TENM4: variants seen among roughly 807,000 people sequenced by gnomAD.
TENM4 encodes teneurin-4.
In TENM4, 82 loss-of-function variants were observed where a neutral mutation model predicts 243.3. The observed-to-expected ratio is 0.34, with a 90% confidence interval of 0.28 to 0.40. The LOEUF (loss-of-function observed/expected upper bound fraction) is 0.40, where lower values mean the gene tolerates loss of function less well. Ranked by LOEUF, TENM4 falls within the 10% of genes least tolerant of loss-of-function variation. TENM4 has a pLI of 1.00. For synonymous variants in TENM4, 1,412 were observed against 1,456.3 expected, an observed-to-expected ratio of 0.97 and a Z score of 0.69; for missense variants, 3,138 against 3,673.3, an observed-to-expected ratio of 0.85 and a Z score of 3.77.
At chr11:79,123,919 T>A (rs939286467) in intron 4 of TENM4, among the ~76,000 whole-genome samples, 8 of 152,198 alleles carry the variant, frequency 5.3e-5, no homozygotes, top group Non-Finnish European at 1.2e-4. Context: ...GAGGAGTCAG[T>A]GTACAGGGCT....
At chr11:78,977,602 T>C (rs943462070) in intron 6 of TENM4, among the ~76,000 whole-genome samples, 2 of 152,182 alleles carry the variant, frequency 1.3e-5, no homozygotes, top group East Asian at 3.9e-4. Context: ...GAAAAGGAGC[T>C]TTACTCATCA....
chr11:79,335,719 G>A (rs1439523011), intron 1 of TENM4, among the ~76,000 whole-genome samples: 1 of 152,186 alleles, frequency 6.6e-6, no homozygotes, highest in Non-Finnish European at 1.5e-5. Context: ...TGGCTCAGGA[G>A]AAGCCTAGAG....
chr11:79,261,974 C>A (rs961706511), intron 2 of TENM4, among the ~76,000 whole-genome samples: 1 of 152,100 alleles, frequency 6.6e-6, no homozygotes, highest in South Asian at 2.1e-4. Context: ...AGATCACAGC[C>A]CTGTAAGGAT....
intron 4 of TENM4, among the ~76,000 whole-genome samples, chr11:79,120,548 C>T (rs1861721369): frequency 6.6e-6 from 1 of 152,198 alleles, no homozygotes; most frequent in Non-Finnish European, 1.5e-5. Flanking sequence ...GCTGAGGTCT[C>T]ACCAAGCATT....
At chr11:79,381,221 G>C (rs1266825834) in intron 1 of TENM4, among the ~76,000 whole-genome samples, 2 of 151,808 alleles carry the variant, frequency 1.3e-5, no homozygotes, top group Non-Finnish European at 2.9e-5. Flanking sequence ...CTTCTCAAGT[G>C]GTCAATCAAG....
At chr11:79,310,756 T>A (rs1486070143) in intron 1 of TENM4, among the ~76,000 whole-genome samples, 1 of 152,126 alleles carries the variant, frequency 6.6e-6, no homozygotes, top group Non-Finnish European at 1.5e-5. Context: ...CTGAGTCCTG[T>A]TTTTCCAGCC....
At chr11:78,838,285 C>G (rs992880633) in intron 12 of TENM4, among the ~76,000 whole-genome samples, 1 of 152,118 alleles carries the variant, frequency 6.6e-6, no homozygotes, top group Non-Finnish European at 1.5e-5. Flanking sequence ...CCTCCCACAG[C>G]ATCTGAGCTT....
intron 6 of TENM4, among the ~76,000 whole-genome samples, chr11:78,921,714 C>A (rs1460032892): frequency 6.6e-6 from 1 of 152,138 alleles, no homozygotes; most frequent in African/African-American, 2.4e-5. Flanking sequence ...ATTGACAGCT[C>A]AAGGCAATGT....
chr11:78,729,119 G>T (rs1855590412), intron 22 of TENM4, among the ~76,000 whole-genome samples: 1 of 152,100 alleles, frequency 6.6e-6, no homozygotes, highest in Non-Finnish European at 1.5e-5. Flanking sequence ...ACCTCTTTTA[G>T]CCCCTCACAA....
intron 19 of TENM4, among the ~76,000 whole-genome samples, chr11:78,748,640 T>G (rs1341123330): frequency 2.0e-5 from 3 of 152,210 alleles, no homozygotes; most frequent in Non-Finnish European, 2.9e-5. Flanking sequence ...GGCTCTGCTA[T>G]TACAAGCCCT....
chr11:79,261,598 C>T (rs1274648794), intron 2 of TENM4, among the ~76,000 whole-genome samples: 1 of 152,164 alleles, frequency 6.6e-6, no homozygotes, highest in Non-Finnish European at 1.5e-5. Context: ...GCTCTTCCCA[C>T]CTTCCTTGGG....
intron 1 of TENM4, among the ~76,000 whole-genome samples, chr11:79,403,673 A>G (rs1858508286): frequency 6.6e-6 from 1 of 151,802 alleles, no homozygotes; most frequent in South Asian, 2.1e-4. Flanking sequence ...TCCCACCCCC[A>G]GTTGTCTTCC....
At chr11:79,407,909 CTTT>C (rs71457508) in intron 1 of TENM4, among the ~76,000 whole-genome samples, 3 of 139,458 alleles carry the variant, frequency 2.2e-5, no homozygotes, top group Non-Finnish European at 1.6e-5. Flanking sequence ...TTTTCTTTTT[CTTT>C]TTTTTTTTTT....
intron 3 of TENM4, among the ~76,000 whole-genome samples, chr11:79,156,382 G>A (rs1010972274): frequency 2.0e-5 from 3 of 152,208 alleles, no homozygotes; most frequent in Non-Finnish European, 2.9e-5. Flanking sequence ...TGTGTGTAAC[G>A]CATACCCCAC....
intron 2 of TENM4, among the ~76,000 whole-genome samples, chr11:79,259,873 T>C (rs551462561): frequency 6.6e-6 from 1 of 152,348 alleles, no homozygotes; most frequent in East Asian, 1.9e-4. Flanking sequence ...GATGGGTTAA[T>C]ATCACATCGC....
At chr11:78,803,554 C>A (rs949528810) in intron 15 of TENM4, among the ~76,000 whole-genome samples, 2 of 152,164 alleles carry the variant, frequency 1.3e-5, no homozygotes, top group African/African-American at 4.8e-5. Context: ...AGGACAGATA[C>A]GTGTTTGACA....
chr11:79,105,173 C>G (rs1861336293), intron 4 of TENM4, among the ~76,000 whole-genome samples: 1 of 152,182 alleles, frequency 6.6e-6, no homozygotes, highest in African/African-American at 2.4e-5. Context: ...TTCACCCTCT[C>G]AACATATTTA....
intron 1 of TENM4, among the ~76,000 whole-genome samples, chr11:79,360,486 A>T (rs1233882381): frequency 6.6e-6 from 1 of 152,210 alleles, no homozygotes; most frequent in Non-Finnish European, 1.5e-5. Context: ...CTTGTCATCA[A>T]TGGTATGACC....
chr11:79,114,072 A>T (rs1447447675), intron 4 of TENM4, among the ~76,000 whole-genome samples: 2 of 152,084 alleles, frequency 1.3e-5, no homozygotes, highest in African/African-American at 4.8e-5. Flanking sequence ...TCTCTGTTCC[A>T]GGGCCCTAAC....
Sources: gnomAD v4.1 joint callset for allele counts (sites outside exome capture counted in the v4.1 genomes callset) on GRCh38, gnomAD v4.1.1 for gene constraint, MANE v1.5 for transcripts, NCBI Gene and HGNC (gene_info 2026-07-23, HGNC 2026-07-21) for gene names.